Variants in ATP2B2 observed in about 807,000 individuals in gnomAD.
ATP2B2 encodes ATPase plasma membrane Ca2+ transporting 2, also known as plasma membrane calcium-transporting ATPase 2.
In ATP2B2, 15 loss-of-function variants were observed where a neutral mutation model predicts 120.0. The observed-to-expected ratio is 0.12, with a 90% CI of 0.08 to 0.19. ATP2B2 has a LOEUF of 0.19. Among genes scored for constraint, ATP2B2 ranks in the 10% least tolerant of loss-of-function variants. The pLI, the probability that ATP2B2 is intolerant of heterozygous loss-of-function variation, is 1.00. For missense variants in ATP2B2, 1,045 were observed against 1,719.8 expected, an observed-to-expected ratio of 0.61 and a Z score of 6.94; for synonymous variants, 694 against 700.3, an observed-to-expected ratio of 0.99 and a Z score of 0.14.
Position 10,349,987 on chromosome 3 carries a change from G to C in ATP2B2, c.2404+125C>G, listed in dbSNP as rs2060531777. 4.3e-6 allele frequency: 4 copies of C among 941,058 alleles called. No individual in the cohort carries two copies. The Admixed American group carries it at 6.3e-5, about 15-fold the overall frequency. 58.3% of individuals were successfully genotyped at this position (941,058 alleles called of 1,614,324 possible). The stretch of plus-strand genomic sequence containing the variant: ...GGGGGTGACATAAGGCTGTGCCCAG[G>C]TGTGGAGAGTCAGGGGCGAGGGGCC... On this transcript the variant is annotated intron_variant, in intron 16 of 22. Transcript: ENST00000360273.
intron 2 of ATP2B2, among the ~76,000 whole-genome samples, chr3:10,428,808 G>A (rs1023320753): frequency 6.6e-6 from 1 of 152,206 alleles, no homozygotes; most frequent in African/African-American, 2.4e-5. Context: ...AGTGTGAGGT[G>A]TCACAGAGGC....
intron 2 of ATP2B2, among the ~76,000 whole-genome samples, chr3:10,537,082 T>C (rs1460574238): frequency 1.3e-5 from 2 of 152,230 alleles, no homozygotes; most frequent in African/African-American, 4.8e-5. Flanking sequence ...CTGGGTCATC[T>C]ACTCAGTCCA....
chr3:10,520,052 C>T (rs1216894820), intron 3 of ATP2B2, among the ~76,000 whole-genome samples: 1 of 152,232 alleles, frequency 6.6e-6, no homozygotes, highest in Non-Finnish European at 1.5e-5. Flanking sequence ...CTCATGGTCA[C>T]TGGGACATGC....
chr3:10,360,109 C>T lies in ATP2B2; in HGVS notation c.1674G>A (p.Glu558=). Residue 558 remains glutamate (E), a synonymous_variant, in exon 13 of 23, where the codon GAG becomes GAA. Transcript: ENST00000360273. ...YTTKILPPEK[E]GALPRQVGNK... is the part of the protein sequence containing the mutation. ...TGCCCACCTGCCGAGGCAGGGCGCCCTCCTTCTCTGGGGGCTGCAGAGAGA... is the reference window on the plus strand; with the variant it reads ...TGCCCACCTGCCGAGGCAGGGCGCCTTCCTTCTCTGGGGGCTGCAGAGAGA... 1 of 1,598,842 alleles carries T rather than the reference C, an allele frequency of 6.3e-7. No individual in the cohort carries two copies. The highest frequency in any genetic ancestry group is 8.6e-7 in the Non-Finnish European group (1 of 1,169,566).
chr3:10,651,488 A>AC, intron 1 of ATP2B2, among the ~76,000 whole-genome samples: 1 of 152,308 alleles, frequency 6.6e-6, no homozygotes, highest in East Asian at 1.9e-4. Context: ...TTCACCTTCC[A>AC]CCATGATTGT....
chr3:10,350,264 G>T (rs2060541841), intron 15 of ATP2B2, 65 bp from the exon 16 acceptor site: 4 of 1,577,740 alleles, frequency 2.5e-6, no homozygotes, highest in Admixed American at 1.7e-5. Context: ...GCCTGGAGAA[G>T]GGAGGGGACA....
chr3:10,338,606 A>T, intron 21 of ATP2B2: 1 of 505,110 alleles, frequency 2.0e-6, no homozygotes, highest in Non-Finnish European at 3.4e-6. Flanking sequence ...TTTTTAATTC[A>T]TTCATTCAGA....
rs1385609323 is a variant in ATP2B2 at position 10,690,426 on chromosome 3, ATATCTATATC to A, written c.-460+17479_-460+17488del. 7.5e-5 allele frequency among the ~76,000 whole-genome samples: 11 copies of A among 145,898 alleles called. No homozygotes were observed. The East Asian group carries it at 8.1e-4, about 11-fold the overall frequency. The stretch of plus-strand genomic sequence containing the variant: ...ACATATAGAAAAAAACAGAATATCT[ATATCTATATC>A]TATCTATCTATCTATCTATCTATCT... On this transcript the variant is annotated intron_variant, in intron 1 of 21. Coordinates refer to the ATP2B2 transcript ENST00000646379.
chr3:10,502,438 T>A (rs1450260735), intron 1 of ATP2B2, among the ~76,000 whole-genome samples: 3 of 152,150 alleles, frequency 2.0e-5, no homozygotes, highest in Admixed American at 2.0e-4. Context: ...CCACCCACAG[T>A]CAAACACCTG....
chr3:10,388,802 A>G (rs553327431), intron 5 of ATP2B2, among the ~76,000 whole-genome samples: 1 of 152,350 alleles, frequency 6.6e-6, no homozygotes, highest in Admixed American at 6.5e-5. Context: ...AGATTTTTTC[A>G]TATCACTTTA....
Position 10,402,873 on chromosome 3 carries a change from T to C in ATP2B2, c.398-525A>G, listed in dbSNP as rs547558426. 1.5e-4 allele frequency among the ~76,000 whole-genome samples: 23 copies of C among 151,382 alleles called. No homozygotes were observed. Among genetic ancestry groups the C allele is most frequent in the Admixed American group, 2.6e-4 (4 of 15,256 alleles). ...GAGAGAAAAGAGAATTTTCTCTAAT[T>C]GATGAGAAAAGACAAGGAATTTTCT... On this transcript the variant is annotated intron_variant, in intron 3 of 22. Transcript: ENST00000360273. This position sits in a 1 kb window ranked among gnomAD's most constrained non-coding sequence, Gnocchi z 4.9.
chr3:10,676,696 A>AG (rs1398950931), intron 1 of ATP2B2, among the ~76,000 whole-genome samples: 1 of 152,178 alleles, frequency 6.6e-6, no homozygotes, highest in East Asian at 1.9e-4. Context: ...GTCCTCCCTA[A>AG]GGGGGAGAAA....
chr3:10,336,815 C>G (rs12233587), intron 22 of ATP2B2, among the ~76,000 whole-genome samples: 44,803 of 152,188 alleles, frequency 0.29, 7,416 homozygotes, highest in East Asian at 0.54. Flanking sequence ...AGTGGCAAAG[C>G]ACCTGACCCG....
intron 1 of ATP2B2, among the ~76,000 whole-genome samples, chr3:10,629,181 C>T (rs1166478822): frequency 1.3e-5 from 2 of 152,284 alleles, no homozygotes; most frequent in East Asian, 3.9e-4. Context: ...TGCGGTACTG[C>T]ACAGACTGCA....
intron 5 of ATP2B2, among the ~76,000 whole-genome samples, chr3:10,395,845 A>T (rs927216480): frequency 6.6e-6 from 1 of 152,240 alleles, no homozygotes; most frequent in Admixed American, 6.5e-5. Flanking sequence ...AGGCAGCAAC[A>T]GGAAGCAGCT....
chr3:10,589,512 T>C (rs2068592852), intron 2 of ATP2B2, among the ~76,000 whole-genome samples: 3 of 152,190 alleles, frequency 2.0e-5, no homozygotes, highest in Non-Finnish European at 4.4e-5. Flanking sequence ...GTTAATGCTG[T>C]CCCTGAAGAA....
At chr3:10,331,685 C>T (rs1048589654) in intron 22 of ATP2B2, among the ~76,000 whole-genome samples, 4 of 150,362 alleles carry the variant, frequency 2.7e-5, no homozygotes, top group African/African-American at 9.7e-5. Flanking sequence ...CTTCCATCTC[C>T]CCTCCCTGCC....
intron 2 of ATP2B2, among the ~76,000 whole-genome samples, chr3:10,563,596 C>T (rs1193463508): frequency 2.0e-5 from 3 of 152,250 alleles, no homozygotes; most frequent in Non-Finnish European, 4.4e-5. Flanking sequence ...CTACTTGCAT[C>T]CTTTCTTTGC....
intron 1 of ATP2B2, among the ~76,000 whole-genome samples, chr3:10,650,232 T>C (rs1244665615): frequency 6.6e-6 from 1 of 152,206 alleles, no homozygotes; most frequent in Admixed American, 6.5e-5. Context: ...TGAGGTGGTC[T>C]CAGATGGAGT....
Sources: gnomAD v4.1 joint callset for allele counts (sites outside exome capture counted in the v4.1 genomes callset) on GRCh38, gnomAD v4.1.1 for gene constraint, Gnocchi (gnomAD v3.1) non-coding constraint, MANE v1.5 for transcripts, NCBI Gene and HGNC (gene_info 2026-07-23, HGNC 2026-07-21) for gene names.